The following PAGE2B variants were observed in gnomAD, a reference collection of about 807,000 sequenced individuals.
PAGE2B encodes putative G antigen family E member 3.
In PAGE2B, 5 loss-of-function variants were observed where a neutral mutation model predicts 7.6. That is an observed-to-expected ratio of 0.66 (90% CI 0.34 to 1.38). The LOEUF is 1.38. PAGE2B is among the 40% of genes most tolerant of loss of function. The pLI is 0.04. For missense variants in PAGE2B, 70 were observed against 78.4 expected (o/e 0.89, Z 0.41); for synonymous variants, 29 against 26.7 (o/e 1.09, Z -0.27).
the PAGE2B span, among the ~76,000 whole-genome samples, chrX:55,048,633 T>G: frequency 8.9e-6 from 1 of 111,790 alleles, no homozygotes; most frequent in South Asian, 3.8e-4. Context: ...TAAGAATGCT[T>G]GTGATTTTTG....
chrX:55,059,467 A>G, the PAGE2B span, among the ~76,000 whole-genome samples: 1 of 111,784 alleles, frequency 8.9e-6, no homozygotes, highest in Non-Finnish European at 1.9e-5. Flanking sequence ...GTAGCACTTC[A>G]ATTAATTAAT....
At chrX:55,036,208 A>G in the PAGE2B span, among the ~76,000 whole-genome samples, 7 of 111,642 alleles carry the variant, frequency 6.3e-5, no homozygotes, top group South Asian at 3.7e-4. Context: ...GGGCTGAGAC[A>G]ATGGGGTTTT....
upstream of PAGE2B, among the ~76,000 whole-genome samples, chrX:55,071,255 A>G (rs190272976): frequency 9.1e-6 from 1 of 110,341 alleles, no homozygotes; most frequent in African/African-American, 3.3e-5. Flanking sequence ...TGGTGACAAA[A>G]TCTCTCGGCA....
chrX:55,070,488 G>T (rs1382848960), upstream of PAGE2B, among the ~76,000 whole-genome samples: 1 of 111,806 alleles, frequency 8.9e-6, no homozygotes. Context: ...GTGATGTGGT[G>T]CTGAGAAGAA....
chrX:55,055,818 C>A, the PAGE2B span: 1 of 112,451 alleles, frequency 8.9e-6, no homozygotes, highest in Non-Finnish European at 1.9e-5. Flanking sequence ...TTCATTAAAT[C>A]CTTTCTATTT....
At chrX:55,041,523 C>G in the PAGE2B span, among the ~76,000 whole-genome samples, 2 of 112,255 alleles carry the variant, frequency 1.8e-5, no homozygotes, top group Admixed American at 1.9e-4. Flanking sequence ...TGTTGTTTGA[C>G]AGTTGGCAGA....
the PAGE2B span, chrX:55,055,710 G>T: frequency 8.0e-6 from 1 of 124,258 alleles, no homozygotes. Flanking sequence ...GCTTGCCCTG[G>T]CAGTGTCTTC....
the PAGE2B span, among the ~76,000 whole-genome samples, chrX:55,032,824 T>C: frequency 9.0e-6 from 1 of 111,721 alleles, no homozygotes; most frequent in Non-Finnish European, 1.9e-5. Context: ...TATAGCATGG[T>C]GTATTTAACC....
chrX:55,049,280 G>T, the PAGE2B span, among the ~76,000 whole-genome samples: 1 of 111,329 alleles, frequency 9.0e-6, no homozygotes, highest in Non-Finnish European at 1.9e-5. Context: ...TTTTTGTTGT[G>T]TCTCTGCCAG....
upstream of PAGE2B, among the ~76,000 whole-genome samples, chrX:55,071,433 G>A (rs1392950359): frequency 9.0e-6 from 1 of 111,650 alleles, no homozygotes; most frequent in African/African-American, 3.3e-5. Context: ...TAGTCTGATG[G>A]GCTTCCCTTT....
At chrX:55,045,923 A>G in the PAGE2B span, among the ~76,000 whole-genome samples, 1 of 111,222 alleles carries the variant, frequency 9.0e-6, no homozygotes, top group Non-Finnish European at 1.9e-5. Context: ...CTGGGGATAC[A>G]AAGAAGTCAA....
chrX:55,055,207 A>C, the PAGE2B span: 2 of 109,414 alleles, frequency 1.8e-5, no homozygotes, highest in Non-Finnish European at 3.8e-5. Flanking sequence ...AAATACAAAA[A>C]TTAGCCAGGC....
intron 2 of PAGE2B, 40 bp from the exon 3 acceptor site, chrX:55,076,529 A>G: frequency 9.1e-7 from 1 of 1,093,354 alleles, no homozygotes; most frequent in South Asian, 2.1e-5. Context: ...GTGTATTTAT[A>G]TTATTGACTT....
At chrX:55,057,483 T>TCCTGCC in the PAGE2B span, among the ~76,000 whole-genome samples, 1 of 111,690 alleles carries the variant, frequency 9.0e-6, no homozygotes, top group Non-Finnish European at 1.9e-5. Flanking sequence ...TGGCCTTGAA[T>TCCTGCC]CCTGCCCCTG....
intron 1 of PAGE2B, among the ~76,000 whole-genome samples, chrX:55,075,345 G>A (rs1936495640): frequency 9.0e-6 from 1 of 111,528 alleles, no homozygotes; most frequent in African/African-American, 3.3e-5. Context: ...GAGGGATCGC[G>A]TGAAGATGGG....
chrX:55,038,243 T>G, the PAGE2B span, among the ~76,000 whole-genome samples: 3 of 110,603 alleles, frequency 2.7e-5, no homozygotes, highest in South Asian at 1.2e-3. Flanking sequence ...AAAAAAAATT[T>G]TGCCTTTCCC....
chrX:55,030,737 G>A, the PAGE2B span, among the ~76,000 whole-genome samples: 4 of 111,292 alleles, frequency 3.6e-5, no homozygotes, highest in Non-Finnish European at 7.5e-5. Flanking sequence ...AGAAAGTAAC[G>A]AAGGGAAAAA....
chrX:55,066,448 T>G, the PAGE2B span, among the ~76,000 whole-genome samples: 5 of 112,394 alleles, frequency 4.4e-5, no homozygotes, highest in Admixed American at 4.7e-4. Context: ...AGAATGCCCT[T>G]TAGGATTTCT....
At chrX:55,039,744 C>G in the PAGE2B span, among the ~76,000 whole-genome samples, 1 of 111,445 alleles carries the variant, frequency 9.0e-6, no homozygotes, top group Non-Finnish European at 1.9e-5. Context: ...ACTGCTTTTC[C>G]AGAAGAGGAA....
Sources: gnomAD v4.1 joint callset for allele counts (sites outside exome capture counted in the v4.1 genomes callset) on GRCh38, gnomAD v4.1.1 for gene constraint, MANE v1.5 for transcripts, NCBI Gene and HGNC (gene_info 2026-07-23, HGNC 2026-07-21) for gene names.